The following IQCM variants were observed in gnomAD, a reference collection of about 807,000 sequenced individuals.
IQCM encodes the protein IQ motif containing M.
Under a neutral mutation model 57.6 loss-of-function variants are expected in IQCM, and 45 were observed. That is an observed-to-expected ratio of 0.78 (90% CI 0.62 to 1.00). The LOEUF (loss-of-function observed/expected upper bound fraction) is 1.00, where lower values mean the gene tolerates loss of function less well. Ranked by LOEUF, IQCM falls within the 50% of genes least tolerant of loss-of-function variation. The probability of loss-of-function intolerance (pLI) is 0.00; values close to 1 mark genes in which losing one functional copy is unlikely to be tolerated. For synonymous variants in IQCM, 148 were observed against 158.9 expected (o/e 0.93, Z 0.51); for missense variants, 468 against 511.6 (o/e 0.91, Z 0.82).
chr4:149,803,904 T>C (rs1033858885), intron 2 of IQCM, among the ~76,000 whole-genome samples: 4 of 151,924 alleles, frequency 2.6e-5, no homozygotes, highest in African/African-American at 9.7e-5. Flanking sequence ...GGAAATGTTC[T>C]ATAATCTTCT....
intron 12 of IQCM, among the ~76,000 whole-genome samples, chr4:149,524,368 TA>T (rs1296044124): frequency 6.6e-6 from 1 of 152,140 alleles, no homozygotes; most frequent in Non-Finnish European, 1.5e-5. Flanking sequence ...CATCCAGCTG[TA>T]ACTTAAGATT....
intron 2 of IQCM, among the ~76,000 whole-genome samples, chr4:149,796,048 A>G (rs1387484840): frequency 2.0e-5 from 3 of 152,150 alleles, no homozygotes; most frequent in Non-Finnish European, 4.4e-5. Flanking sequence ...AGAAAAGCAG[A>G]GGGAAAAGTA....
At chr4:149,400,146 T>C (rs777404009) in intron 13 of IQCM, among the ~76,000 whole-genome samples, 1 of 151,472 alleles carries the variant, frequency 6.6e-6, no homozygotes. Context: ...AACACTATTA[T>C]GGTCAATGAG....
intron 9 of IQCM, among the ~76,000 whole-genome samples, chr4:149,568,823 T>C (rs1411323440): frequency 6.6e-6 from 1 of 152,126 alleles, no homozygotes; most frequent in African/African-American, 2.4e-5. Context: ...ATAAACATAT[T>C]AGAAGCACAG....
chr4:149,752,067 T>C (rs1430624494), intron 2 of IQCM, among the ~76,000 whole-genome samples: 1 of 152,164 alleles, frequency 6.6e-6, no homozygotes, highest in Admixed American at 6.5e-5. Context: ...TATAATATTT[T>C]GTGTACTACA....
chr4:149,673,210 G>A (rs917187894), intron 7 of IQCM, among the ~76,000 whole-genome samples: 15 of 152,150 alleles, frequency 9.9e-5, no homozygotes, highest in South Asian at 6.2e-4. Flanking sequence ...GGAAGAAAGT[G>A]TATCAACTCA....
intron 2 of IQCM, among the ~76,000 whole-genome samples, chr4:149,753,537 G>A (rs1768663469): frequency 6.6e-6 from 1 of 151,900 alleles, no homozygotes; most frequent in African/African-American, 2.4e-5. Context: ...TTGATGAAAT[G>A]AGATAGAGAA....
chr4:149,570,151 G>A (rs913132301), intron 9 of IQCM, among the ~76,000 whole-genome samples: 1 of 151,754 alleles, frequency 6.6e-6, no homozygotes, highest in Non-Finnish European at 1.5e-5. Context: ...AAACAATATA[G>A]AACAATAGTT....
At chr4:149,486,353 G>A (rs1741512573) in intron 12 of IQCM, among the ~76,000 whole-genome samples, 1 of 151,646 alleles carries the variant, frequency 6.6e-6, no homozygotes, top group African/African-American at 2.4e-5. Flanking sequence ...CCACACCATA[G>A]TACAAAGTCC....
At position 149,516,535 on chromosome 4, in the gene IQCM, A is replaced by T. The variant is rs192560981; in HGVS notation, c.1228+31920T>A. On this transcript the variant is annotated intron_variant, in intron 12 of 13. Coordinates refer to ENST00000636793, the MANE Select transcript of IQCM (RefSeq NM_001363507.2). ...CTATTGAAGTCACAATTACAATGCCAACTAGGTAACAATACTTTTCAGGGC... is the reference window on the plus strand; with the variant it reads ...CTATTGAAGTCACAATTACAATGCCTACTAGGTAACAATACTTTTCAGGGC... 9.2e-5 allele frequency among the ~76,000 whole-genome samples: 14 copies of T among 152,326 alleles called. No individual in the cohort carries two copies. The East Asian group carries it at 2.7e-3, about 29-fold the overall frequency.
chr4:149,567,069 G>A (rs962019397), intron 9 of IQCM, among the ~76,000 whole-genome samples: 11 of 152,026 alleles, frequency 7.2e-5, no homozygotes, highest in African/African-American at 2.7e-4. Context: ...TCTTAACATA[G>A]GGAAAACCAT....
chr4:149,426,325 C>A (rs1454181525), intron 13 of IQCM, among the ~76,000 whole-genome samples: 1 of 151,940 alleles, frequency 6.6e-6, no homozygotes, highest in African/African-American at 2.4e-5. Flanking sequence ...AGCTAATCAG[C>A]AACTCAGTCT....
intron 12 of IQCM, among the ~76,000 whole-genome samples, chr4:149,486,281 C>G (rs1024299330): frequency 2.6e-5 from 4 of 152,062 alleles, no homozygotes; most frequent in African/African-American, 9.7e-5. Context: ...GAGTCCAGAG[C>G]TTGGAATCAA....
intron 13 of IQCM, among the ~76,000 whole-genome samples, chr4:149,421,878 C>T (rs1734145255): frequency 6.6e-6 from 1 of 151,906 alleles, no homozygotes; most frequent in African/African-American, 2.4e-5. Flanking sequence ...ATTTAACAGG[C>T]TAATTTATTA....
At chr4:149,692,789 A>C (rs1763035066) in intron 5 of IQCM, among the ~76,000 whole-genome samples, 2 of 152,164 alleles carry the variant, frequency 1.3e-5, no homozygotes, top group Admixed American at 1.3e-4. Context: ...CTTATGTAAA[A>C]TCTAGTAGCT....
intron 5 of IQCM, among the ~76,000 whole-genome samples, chr4:149,723,005 C>A (rs1377231724): frequency 3.9e-5 from 6 of 151,914 alleles, no homozygotes; most frequent in Non-Finnish European, 7.4e-5. Context: ...AGATCTTTCA[C>A]CTCCTTGGTT....
chr4:149,604,919 C>T (rs1754642350), intron 8 of IQCM, among the ~76,000 whole-genome samples: 1 of 152,148 alleles, frequency 6.6e-6, no homozygotes, highest in African/African-American at 2.4e-5. Context: ...TGTTCATTTT[C>T]TTAATCTGCT....
At chr4:149,613,280 T>C (rs1231893173) in intron 8 of IQCM, among the ~76,000 whole-genome samples, 1 of 152,066 alleles carries the variant, frequency 6.6e-6, no homozygotes, top group Non-Finnish European at 1.5e-5. Flanking sequence ...TTTTATATAA[T>C]AAAAGTTAAT....
chr4:149,746,143 G>A (rs1486480461), intron 2 of IQCM, among the ~76,000 whole-genome samples: 1 of 151,718 alleles, frequency 6.6e-6, no homozygotes, highest in Non-Finnish European at 1.5e-5. Flanking sequence ...ATGGCAAATG[G>A]AAGTCCTCAT....
Sources: gnomAD v4.1 joint callset for allele counts (sites outside exome capture counted in the v4.1 genomes callset) on GRCh38, gnomAD v4.1.1 for gene constraint, MANE v1.5 for transcripts, NCBI Gene and HGNC (gene_info 2026-07-23, HGNC 2026-07-21) for gene names.